Variants in LRRC7 observed in about 807,000 individuals in gnomAD.
The protein encoded by LRRC7 is leucine-rich repeat-containing protein 7.
Under a neutral mutation model 175.7 loss-of-function variants are expected in LRRC7, and 23 were observed. The observed-to-expected ratio is 0.13, with a 90% confidence interval of 0.09 to 0.19. The LOEUF (loss-of-function observed/expected upper bound fraction) is 0.19, where lower values mean the gene tolerates loss of function less well. Ranked by LOEUF, LRRC7 falls within the 10% of genes least tolerant of loss-of-function variation. LRRC7 has a pLI of 1.00. For synonymous variants in LRRC7, 685 were observed against 680.9 expected, an observed-to-expected ratio of 1.01 and a Z score of -0.09; for missense variants, 1,354 against 1,904.7, an observed-to-expected ratio of 0.71 and a Z score of 5.38.
intron 1 of LRRC7, among the ~76,000 whole-genome samples, chr1:69,609,106 G>A (rs1460149934): frequency 1.3e-5 from 2 of 151,608 alleles, no homozygotes; most frequent in Admixed American, 6.6e-5. Flanking sequence ...CAGTTTGGAT[G>A]GGAGAAAAAC....
chr1:69,667,999 A>C (rs1317105205), intron 1 of LRRC7, among the ~76,000 whole-genome samples: 1 of 151,858 alleles, frequency 6.6e-6, no homozygotes, highest in Admixed American at 6.6e-5. Context: ...ATTTGAGGTC[A>C]CCATGAGGCC....
rs1385212556 is a variant in LRRC7 at position 70,134,861 on chromosome 1, C to A, written c.*12974C>A. Among the ~76,000 whole-genome samples the A allele has an allele frequency of 6.6e-6, 1 of 152,172 alleles. No homozygotes were observed. The highest frequency in any genetic ancestry group is 2.4e-5 in the African/African-American group (1 of 41,428). On this transcript the variant is annotated 3_prime_UTR_variant, in exon 27 of 27. Coordinates refer to ENST00000651989, the MANE Select transcript of LRRC7 (RefSeq NM_001370785.2). ...TTAAATTGTACACAACAGTGCCACC[C>A]ATTTTAAAGCAAATACGGCAGGTGT... is the stretch of plus-strand genomic sequence containing the variant.
intron 8 of LRRC7, among the ~76,000 whole-genome samples, chr1:69,968,144 T>C (rs781668654): frequency 1.3e-5 from 2 of 151,922 alleles, no homozygotes; most frequent in Admixed American, 6.6e-5. Context: ...GATGCACTTA[T>C]AGAAATGCAA....
intron 8 of LRRC7, among the ~76,000 whole-genome samples, chr1:69,980,061 A>G (rs1299480831): frequency 6.6e-6 from 1 of 152,138 alleles, no homozygotes; most frequent in Admixed American, 6.5e-5. Flanking sequence ...TACTCTAGTG[A>G]CAAAGACAGA....
intron 7 of LRRC7, among the ~76,000 whole-genome samples, chr1:69,909,847 A>G (rs961319872): frequency 6.6e-6 from 1 of 151,906 alleles, no homozygotes; most frequent in African/African-American, 2.4e-5. Flanking sequence ...GTTCTCCTGG[A>G]TAATATCCTG....
chr1:69,880,954 A>G (rs1686541388), intron 7 of LRRC7, among the ~76,000 whole-genome samples: 1 of 152,214 alleles, frequency 6.6e-6, no homozygotes, highest in African/African-American at 2.4e-5. Context: ...TTTTTGATTG[A>G]CTTATAAATC....
intron 1 of LRRC7, among the ~76,000 whole-genome samples, chr1:69,667,596 A>G (rs1240518295): frequency 6.6e-6 from 1 of 152,152 alleles, no homozygotes; most frequent in Non-Finnish European, 1.5e-5. Flanking sequence ...CCTGAAATAT[A>G]TTTTGTCTGA....
At chr1:69,842,609 AC>A (rs1681850928) in intron 7 of LRRC7, among the ~76,000 whole-genome samples, 1 of 152,100 alleles carries the variant, frequency 6.6e-6, no homozygotes, top group Admixed American at 6.6e-5. Context: ...ATACAGTAAA[AC>A]CTGATGAACA....
At chr1:69,647,023 A>C (rs895993177) in intron 1 of LRRC7, among the ~76,000 whole-genome samples, 1 of 152,128 alleles carries the variant, frequency 6.6e-6, no homozygotes, top group South Asian at 2.1e-4. Flanking sequence ...AAGAAAAAAA[A>C]ATGTCATAGT....
chr1:70,079,036 G>T (rs1219931740), intron 24 of LRRC7, among the ~76,000 whole-genome samples: 4 of 152,090 alleles, frequency 2.6e-5, no homozygotes, highest in African/African-American at 9.7e-5. Context: ...CTCTCATAAT[G>T]AAACTATTTC....
chr1:69,752,597 A>G (rs1382500261), intron 2 of LRRC7, among the ~76,000 whole-genome samples: 1 of 152,172 alleles, frequency 6.6e-6, no homozygotes, highest in Non-Finnish European at 1.5e-5. Flanking sequence ...TGAAGAAGGT[A>G]GCAAGATGAG....
chr1:69,905,501 T>C (rs893455551), intron 7 of LRRC7, among the ~76,000 whole-genome samples: 4 of 152,138 alleles, frequency 2.6e-5, no homozygotes, highest in Non-Finnish European at 5.9e-5. Context: ...AGTGAGAACA[T>C]GCGGTGTTTC....
chr1:69,653,716 A>T (rs1656196929), intron 1 of LRRC7, among the ~76,000 whole-genome samples: 1 of 152,110 alleles, frequency 6.6e-6, no homozygotes, highest in South Asian at 2.1e-4. Flanking sequence ...TGATTATTTC[A>T]GCCTTTTTCA....
intron 7 of LRRC7, among the ~76,000 whole-genome samples, chr1:69,884,328 C>A (rs1686945843): frequency 1.1e-5 from 1 of 93,472 alleles, no homozygotes; most frequent in African/African-American, 4.1e-5. Flanking sequence ...AGAGGTCCTT[C>A]ACATCCCTTG....
intron 23 of LRRC7, among the ~76,000 whole-genome samples, chr1:70,064,020 C>T (rs1180074625): frequency 2.6e-5 from 4 of 151,988 alleles, no homozygotes; most frequent in Non-Finnish European, 4.4e-5. Flanking sequence ...ATTGGAGACA[C>T]TGAAGTATAT....
intron 2 of LRRC7, among the ~76,000 whole-genome samples, chr1:69,747,128 C>A (rs1486415847): frequency 1.3e-5 from 2 of 152,118 alleles, no homozygotes; most frequent in African/African-American, 2.4e-5. Flanking sequence ...TCTGCAACAA[C>A]CCCTTTCCAA....
intron 1 of LRRC7, among the ~76,000 whole-genome samples, chr1:69,651,910 C>G (rs1361509797): frequency 1.3e-5 from 2 of 151,912 alleles, no homozygotes; most frequent in Non-Finnish European, 2.9e-5. Context: ...CCACTGAGAA[C>G]AAGAAGAGGA....
intron 1 of LRRC7, among the ~76,000 whole-genome samples, chr1:69,584,306 C>T (rs904812865): frequency 6.6e-6 from 1 of 152,068 alleles, no homozygotes; most frequent in Non-Finnish European, 1.5e-5. Flanking sequence ...TTTTACTACT[C>T]TTTGTTGCCT....
At chr1:69,727,021 CA>C (rs1173495576) in intron 2 of LRRC7, among the ~76,000 whole-genome samples, 2 of 152,156 alleles carry the variant, frequency 1.3e-5, no homozygotes, top group Non-Finnish European at 2.9e-5. Context: ...ATTTGAACTA[CA>C]GTGAGGTTGC....
Sources: allele counts gnomAD v4.1 joint callset (sites outside exome capture counted in the v4.1 genomes callset), GRCh38; gene constraint gnomAD v4.1.1; transcripts MANE v1.5; gene names NCBI Gene and HGNC (gene_info 2026-07-23, HGNC 2026-07-21).